PFKFB1: variants seen among roughly 807,000 people sequenced by gnomAD.
PFKFB1 encodes 6-phosphofructo-2-kinase/fructose-2,6-biphosphatase 1, also known as 6-phosphofructo-2-kinase/fructose-2,6-bisphosphatase 1.
Under a neutral mutation model 46.4 loss-of-function variants are expected in PFKFB1, and 34 were observed. That is an observed-to-expected ratio of 0.73 (90% CI 0.56 to 0.98). PFKFB1 has a LOEUF of 0.98. PFKFB1 is among the 50% of genes least tolerant of loss of function. The pLI, the probability that PFKFB1 is intolerant of heterozygous loss-of-function variation, is 0.00. For missense variants in PFKFB1, 393 were observed against 376.3 expected (o/e 1.04, Z -0.37); for synonymous variants, 119 against 133.8 (o/e 0.89, Z 0.76).
chrX:54,952,750 G>C (rs1037282883), intron 7 of PFKFB1, among the ~76,000 whole-genome samples: 1 of 110,528 alleles, frequency 9.0e-6, no homozygotes, highest in Non-Finnish European at 1.9e-5. Context: ...TCTAGGCATT[G>C]TGCTTGGCAT....
At chrX:54,951,470 GGAA>G (rs1260432736) in intron 8 of PFKFB1, among the ~76,000 whole-genome samples, 1 of 112,299 alleles carries the variant, frequency 8.9e-6, no homozygotes, top group Non-Finnish European at 1.9e-5. Context: ...GGCAGAATTG[GGAA>G]GAAGAGTGAT....
chrX:54,946,710 T>C (rs1326131437), intron 9 of PFKFB1, among the ~76,000 whole-genome samples: 1 of 112,251 alleles, frequency 8.9e-6, no homozygotes, highest in Non-Finnish European at 1.9e-5. Context: ...GGTCATTGAC[T>C]CCTTATTGAG....
rs762279212 is a variant in PFKFB1 at position 54,959,799 on chromosome X, C to A, written c.384+28G>T. On this transcript the variant is annotated intron_variant, in intron 4 of 13. Transcript: ENST00000375006. ...AGCTAATTCCCTTCCCAGTAGTTAC[C>A]CAAGGAAAAAATAAAAAATTTCTTT... 6.5e-6 allele frequency: 7 copies of A among 1,076,280 alleles called. No individual in the cohort carries two copies. The African/African-American group carries it at 1.1e-4, about 17-fold the overall frequency. The allele number at this position is 1,076,280 out of a possible 1,213,427, so 88.7% of individuals were successfully genotyped here.
intron 1 of PFKFB1, among the ~76,000 whole-genome samples, chrX:54,992,980 C>T (rs1026280233): frequency 2.7e-5 from 3 of 111,578 alleles, no homozygotes; most frequent in African/African-American, 9.8e-5. Context: ...ATCCTCTAAG[C>T]AACTACTGCT....
At chrX:54,946,868 A>T (rs1303534845) in intron 9 of PFKFB1, among the ~76,000 whole-genome samples, 1 of 112,356 alleles carries the variant, frequency 8.9e-6, no homozygotes, top group African/African-American at 3.2e-5. Flanking sequence ...TAAAGACTCA[A>T]TCATTAGAAT....
chrX:54,962,420 T>C (rs1934341634), intron 2 of PFKFB1, among the ~76,000 whole-genome samples: 1 of 112,351 alleles, frequency 8.9e-6, no homozygotes, highest in African/African-American at 3.2e-5. Flanking sequence ...GAGGTATTCT[T>C]ATACATCCCA....
At chrX:54,936,967 G>GTT (rs775596246) in intron 11 of PFKFB1, among the ~76,000 whole-genome samples, 1 of 102,648 alleles carries the variant, frequency 9.7e-6, no homozygotes, top group African/African-American at 3.5e-5. Flanking sequence ...TGATATAACA[G>GTT]TTTTTTTTTT....
In PFKFB1 at chrX:54,968,442, G is replaced by A. The variant is rs375022603; in HGVS notation, c.98-5060C>T. ...CATATGTAACTAACCTGCACATTGT[G>A]CACATGTACCCTAAAACTTAAAGTA... On this transcript the variant is annotated intron_variant, in intron 1 of 13. Coordinates refer to ENST00000375006, the MANE Select transcript of PFKFB1 (RefSeq NM_002625.4). Among the ~76,000 whole-genome samples the A allele has an allele frequency of 1.7e-4, 18 of 108,774 alleles. No individual in the cohort carries two copies. The East Asian group carries it at 4.7e-3, about 28-fold the overall frequency. 94.5% of individuals were successfully genotyped at this position (108,774 alleles called of 115,157 possible). A position where few individuals can be genotyped will look rare whatever the true frequency, so the allele number is the denominator to read the frequency against.
At chrX:54,971,231 A>AT (rs1392451109) in intron 1 of PFKFB1, among the ~76,000 whole-genome samples, 2 of 70,043 alleles carry the variant, frequency 2.9e-5, no homozygotes, top group Non-Finnish European at 2.7e-5. Context: ...TAGATTCTGG[A>AT]TATTAGCCCT....
intron 2 of PFKFB1, 42 bp from the exon 3 acceptor site, chrX:54,960,959 A>G: frequency 2.2e-6 from 2 of 903,775 alleles, no homozygotes; most frequent in Non-Finnish European, 1.6e-6. Context: ...GGAAGATCCC[A>G]GTGGCCAAAA....
chrX:54,951,924 A>G lies in PFKFB1; in HGVS notation c.827T>C (p.Leu276Pro). 8.3e-7 allele frequency: 1 copy of G among 1,202,677 alleles called. No individual in the cohort carries two copies. The highest frequency in any genetic ancestry group is 1.8e-5 in the South Asian group (1 of 55,413). The change falls in exon 8 of 14, where the codon CTC (leucine) becomes CCC (proline). Residue 276 changes from leucine (L) to proline (P), a missense_variant. Coordinates refer to ENST00000375006, the MANE Select transcript of PFKFB1 (RefSeq NM_002625.4). ...CCCTACCTGCTTGCCGCGAACTGAG[A>G]GGCCAGAGTCACCTCCGATGCGGCC... is the stretch of plus-strand genomic sequence containing the variant. ...IRGRIGGDSG[L>P]SVRGKQYAYA...
At chrX:54,989,156 G>A (rs762937214) in intron 1 of PFKFB1, among the ~76,000 whole-genome samples, 5 of 111,263 alleles carry the variant, frequency 4.5e-5, no homozygotes, top group Non-Finnish European at 9.4e-5. Context: ...TAGTGGTGAT[G>A]GTTACACAAC....
intron 10 of PFKFB1, among the ~76,000 whole-genome samples, chrX:54,938,174 A>G (rs1292976518): frequency 1.8e-5 from 2 of 112,177 alleles, no homozygotes; most frequent in East Asian, 5.6e-4. Flanking sequence ...AACCGTACGG[A>G]AGTAGAAGAC....
At chrX:54,934,014 C>T (rs1187105793) in intron 12 of PFKFB1, 129 bp from the exon 13 acceptor site, 7 of 487,163 alleles carry the variant, frequency 1.4e-5, no homozygotes, top group South Asian at 3.7e-5. Flanking sequence ...TCATGACTCG[C>T]CTGTATGGAG....
chrX:54,985,790 A>C (rs989728232), intron 1 of PFKFB1, among the ~76,000 whole-genome samples: 14 of 109,905 alleles, frequency 1.3e-4, no homozygotes, highest in African/African-American at 4.6e-4. Flanking sequence ...TATATGAGTA[A>C]AATTTTTATA....
chrX:54,988,817 A>G (rs1315574915), intron 1 of PFKFB1, among the ~76,000 whole-genome samples: 1 of 112,156 alleles, frequency 8.9e-6, no homozygotes, highest in Admixed American at 9.5e-5. Context: ...TTCCCATCTC[A>G]CACCACATGC....
chrX:54,994,970 A>T (rs1189078411), upstream of PFKFB1: 1 of 416,688 alleles, frequency 2.4e-6, no homozygotes, highest in Admixed American at 9.1e-5. Flanking sequence ...ATGAACTGAT[A>T]GAAAATTTCA....
At chrX:54,936,264 TTGGACTAGATGTACTCTGAGGG>T (rs1933386325) in intron 11 of PFKFB1, among the ~76,000 whole-genome samples, 1 of 109,656 alleles carries the variant, frequency 9.1e-6, no homozygotes, top group Non-Finnish European at 1.9e-5. Flanking sequence ...CAGGACAGGA[TTGGACTAGATGTACTCTGAGGG>T]TGCCCCAGCC....
At chrX:54,947,186 C>T in intron 9 of PFKFB1, among the ~76,000 whole-genome samples, 1 of 112,051 alleles carries the variant, frequency 8.9e-6, no homozygotes, top group Middle Eastern at 4.6e-3. Flanking sequence ...CCTGAGGCTT[C>T]AGCTAGGTAT....
Sources: gnomAD v4.1 joint callset for allele counts (sites outside exome capture counted in the v4.1 genomes callset) on GRCh38, gnomAD v4.1.1 for gene constraint, MANE v1.5 for transcripts, NCBI Gene and HGNC (gene_info 2026-07-23, HGNC 2026-07-21) for gene names.